CLASP2: variants seen among roughly 807,000 people sequenced by gnomAD.
CLASP2 encodes cytoplasmic linker associated protein 2.
Under a neutral mutation model 194.4 loss-of-function variants are expected in CLASP2, and 47 were observed. The observed-to-expected ratio is 0.24, with a 90% CI of 0.19 to 0.31. The LOEUF is 0.31. Ranked by LOEUF, CLASP2 falls within the 10% of genes least tolerant of loss-of-function variation. The probability of loss-of-function intolerance (pLI) is 1.00; values close to 1 mark genes in which losing one functional copy is unlikely to be tolerated. For synonymous variants in CLASP2, 619 were observed against 633.5 expected, an observed-to-expected ratio of 0.98 and a Z score of 0.34; for missense variants, 1,445 against 1,823.6, an observed-to-expected ratio of 0.79 and a Z score of 3.78.
intron 20 of CLASP2, among the ~76,000 whole-genome samples, chr3:33,594,572 G>C (rs2069710331): frequency 6.6e-6 from 1 of 151,694 alleles, no homozygotes; most frequent in Non-Finnish European, 1.5e-5. Flanking sequence ...AATGGTGCAT[G>C]ATCTCTCAAA....
chr3:33,534,767 C>T (rs1423263356), intron 34 of CLASP2, among the ~76,000 whole-genome samples: 1 of 152,040 alleles, frequency 6.6e-6, no homozygotes, highest in Non-Finnish European at 1.5e-5. Flanking sequence ...AGAACTAAGC[C>T]CATTTCACCC....
chr3:33,522,953 G>A (rs1281653290), intron 34 of CLASP2, among the ~76,000 whole-genome samples: 1 of 152,144 alleles, frequency 6.6e-6, no homozygotes, highest in Non-Finnish European at 1.5e-5. Flanking sequence ...GTGGGCGCTT[G>A]TAGTCCCAGC....
At chr3:33,713,410 A>G (rs2093130885) in intron 1 of CLASP2, among the ~76,000 whole-genome samples, 1 of 152,190 alleles carries the variant, frequency 6.6e-6, no homozygotes, top group Non-Finnish European at 1.5e-5. Flanking sequence ...AGAATTAAAA[A>G]CAACCTGGAT....
intron 8 of CLASP2, among the ~76,000 whole-genome samples, chr3:33,635,988 G>A (rs539778986): frequency 6.6e-6 from 1 of 152,158 alleles, no homozygotes; most frequent in African/African-American, 2.4e-5. Context: ...AAAAAAATCA[G>A]AGGAAACTGT....
chr3:33,658,103 G>C, intron 7 of CLASP2, among the ~76,000 whole-genome samples: 1 of 151,958 alleles, frequency 6.6e-6, no homozygotes. Flanking sequence ...AATGAAAAAA[G>C]AAAAAAAGCT....
chr3:33,645,021 A>G, intron 7 of CLASP2, 118 bp from the exon 8 acceptor site: 1 of 1,085,340 alleles, frequency 9.2e-7, no homozygotes, highest in Non-Finnish European at 1.3e-6. Flanking sequence ...GATATATAAT[A>G]CGAAATAAAG....
In CLASP2 at chr3:33,606,857, GT is replaced by G. The variant is rs1452478567; in HGVS notation, c.1527-100del. The G allele has an allele frequency of 2.5e-5, 21 of 836,888 alleles. 1 individual carries two copies. The Admixed American group carries it at 4.2e-4, about 17-fold the overall frequency. The allele number at this position is 836,888 out of a possible 1,614,324, so 51.8% of individuals were successfully genotyped here. A position where few individuals can be genotyped will look rare whatever the true frequency, so the allele number is the denominator to read the frequency against. On this transcript the variant is annotated intron_variant, in intron 15 of 38. Coordinates refer to ENST00000682230, the MANE Select transcript of CLASP2 (RefSeq NM_001365631.1). ...AAGAAGGATGAAGATAAGCCCACTG[GT>G]TTTCAGCATTATCTGATATTTGTCA...
At position 33,613,598 on chromosome 3, in the gene CLASP2, C is replaced by T. The variant is rs538996912; in HGVS notation, c.1318-1527G>A. 3.9e-5 allele frequency among the ~76,000 whole-genome samples: 6 copies of T among 152,298 alleles called. No individual in the cohort carries two copies. The South Asian group carries it at 6.3e-4, about 16-fold the overall frequency. On this transcript the variant is annotated intron_variant, in intron 12 of 38. Transcript: ENST00000682230. ...CCTTTTTTCAGCCACTAAAGAGAAA[C>T]GATCTATAGACTTGAAGCTGTTGAA...
intron 7 of CLASP2, among the ~76,000 whole-genome samples, chr3:33,647,124 C>T (rs188026493): frequency 9.2e-5 from 14 of 152,052 alleles, no homozygotes; most frequent in Admixed American, 9.2e-4. Flanking sequence ...AATGGTACTA[C>T]TAAAAGGTAA....
intron 21 of CLASP2, among the ~76,000 whole-genome samples, chr3:33,586,131 T>C (rs1013602370): frequency 4.6e-5 from 7 of 151,964 alleles, no homozygotes; most frequent in African/African-American, 1.5e-4. Context: ...GATCCTTTTC[T>C]TTCTTTTCTT....
At chr3:33,518,872 A>G (rs2052176446) in intron 34 of CLASP2, among the ~76,000 whole-genome samples, 1 of 152,240 alleles carries the variant, frequency 6.6e-6, no homozygotes, top group African/African-American at 2.4e-5. Context: ...ATCTATATGA[A>G]TGAGATAATC....
intron 1 of CLASP2, 31 bp downstream of exon 1, chr3:33,717,777 T>A (rs1205135540): frequency 6.5e-7 from 1 of 1,546,776 alleles, no homozygotes; most frequent in South Asian, 1.2e-5. Flanking sequence ...GCGGAGGGCG[T>A]GACCAGCCCA....
intron 30 of CLASP2, among the ~76,000 whole-genome samples, chr3:33,547,498 T>C (rs1359848463): frequency 3.3e-5 from 5 of 152,254 alleles, no homozygotes; most frequent in Non-Finnish European, 5.9e-5. Flanking sequence ...TCATGGTATA[T>C]ACTTCTTTTA....
intron 7 of CLASP2, chr3:33,645,129 A>G: frequency 1.5e-6 from 1 of 684,908 alleles, no homozygotes; most frequent in Non-Finnish European, 2.6e-6. Flanking sequence ...TCTTACTTAT[A>G]CATATTAAGT....
Position 33,693,316 on chromosome 3 carries a change from T to C in CLASP2, c.275-3384A>G, listed in dbSNP as rs1003365443. On this transcript the variant is annotated intron_variant, in intron 2 of 38. Coordinates refer to ENST00000682230, the MANE Select transcript of CLASP2 (RefSeq NM_001365631.1). ...CGTAAAAGAATATTAAAAATACATGTAATGATAACTAATAACCCGAGTGCA... is the reference window on the plus strand; with the variant it reads ...CGTAAAAGAATATTAAAAATACATGCAATGATAACTAATAACCCGAGTGCA... 3.3e-5 allele frequency among the ~76,000 whole-genome samples: 5 copies of C among 152,178 alleles called. 1 individual carries two copies. Among genetic ancestry groups the C allele is most frequent in the Non-Finnish European group, 5.9e-5 (4 of 68,010 alleles).
chr3:33,515,651 C>A (rs2051110169), intron 36 of CLASP2, among the ~76,000 whole-genome samples: 1 of 152,046 alleles, frequency 6.6e-6, no homozygotes, highest in Admixed American at 6.6e-5. Flanking sequence ...CCTGATTCAA[C>A]AAACAAACAA....
At chr3:33,643,723 A>G (rs35012242) in intron 8 of CLASP2, among the ~76,000 whole-genome samples, 19,763 of 151,932 alleles carry the variant, frequency 0.13, 1,734 homozygotes, top group Non-Finnish European at 0.19. Flanking sequence ...TAGTTTTTCT[A>G]TATTTAGAAT....
intron 1 of CLASP2, among the ~76,000 whole-genome samples, chr3:33,703,224 G>A (rs765491052): frequency 2.0e-5 from 3 of 152,096 alleles, no homozygotes; most frequent in East Asian, 1.9e-4. Flanking sequence ...AGACTGTAAT[G>A]CAAAATATAC....
At chr3:33,662,153 C>G (rs1243093806) in intron 7 of CLASP2, among the ~76,000 whole-genome samples, 1 of 152,176 alleles carries the variant, frequency 6.6e-6, no homozygotes, top group East Asian at 1.9e-4. Context: ...CAAAAAAGCT[C>G]TATTTTGAAG....
Sources: gnomAD v4.1 joint callset for allele counts (sites outside exome capture counted in the v4.1 genomes callset) on GRCh38, gnomAD v4.1.1 for gene constraint, MANE v1.5 for transcripts, NCBI Gene and HGNC (gene_info 2026-07-23, HGNC 2026-07-21) for gene names.